The following TP63 variants were observed in gnomAD, a reference collection of about 807,000 sequenced individuals.
The protein encoded by TP63 is tumor protein p63, also known as tumor protein 63.
In TP63, 17 loss-of-function variants were observed where a neutral mutation model predicts 82.8. The observed-to-expected ratio is 0.21, with a 90% CI of 0.14 to 0.31. The LOEUF is 0.31. Ranked by LOEUF, TP63 falls within the 10% of genes least tolerant of loss-of-function variation. TP63 has a pLI of 1.00. For missense variants in TP63, 648 were observed against 895.3 expected, an observed-to-expected ratio of 0.72 and a Z score of 3.52; for synonymous variants, 330 against 321.7, an observed-to-expected ratio of 1.03 and a Z score of -0.28.
intron 3 of TP63, chr3:189,789,568 G>A (rs1724912522): frequency 7.3e-6 from 7 of 956,738 alleles, no homozygotes; most frequent in Non-Finnish European, 9.6e-6. Context: ...AGGAGTCCAG[G>A]TGGAAGTTGA....
the TP63 span, among the ~76,000 whole-genome samples, chr3:189,611,577 C>T: frequency 2.6e-5 from 4 of 152,254 alleles, no homozygotes; most frequent in South Asian, 8.3e-4. Flanking sequence ...AACATGATGC[C>T]TCCAGCTTTG....
chr3:189,703,721 C>T (rs1045826413), intron 1 of TP63, among the ~76,000 whole-genome samples: 2 of 152,140 alleles, frequency 1.3e-5, no homozygotes, highest in East Asian at 3.9e-4. Context: ...TGTCAATATT[C>T]TATAGGAAAA....
chr3:189,735,264 G>A (rs535108265), intron 1 of TP63, among the ~76,000 whole-genome samples: 89 of 152,264 alleles, frequency 5.8e-4, no homozygotes, highest in African/African-American at 1.7e-3. Context: ...TGCACAGGTC[G>A]TTTTATCCAC....
In TP63 at chr3:189,703,948, A is replaced by G. The variant is rs116471999; in HGVS notation, c.63-33792A>G. On this transcript the variant is annotated intron_variant, in intron 1 of 13. Transcript: ENST00000264731. ...GTGAGATAGCCTCAAGTTCTCTAAT[A>G]AACATTCACTTACTAGAAAGGACTC... 3.7e-3 allele frequency among the ~76,000 whole-genome samples: 569 copies of G among 152,326 alleles called. 7 individuals are homozygous for G. Among genetic ancestry groups the G allele is most frequent in the African/African-American group, 0.012 (489 of 41,556 alleles).
At chr3:189,837,303 C>T (rs1713298861) in intron 4 of TP63, among the ~76,000 whole-genome samples, 1 of 151,916 alleles carries the variant, frequency 6.6e-6, no homozygotes. Flanking sequence ...TAATAATCCT[C>T]ATCTATCTAC....
intron 4 of TP63, among the ~76,000 whole-genome samples, chr3:189,852,048 T>C (rs530566070): frequency 1.3e-5 from 2 of 152,294 alleles, no homozygotes; most frequent in South Asian, 4.1e-4. Flanking sequence ...ATTCCTCTTT[T>C]CTTAGAAGAA....
chr3:189,736,957 A>G (rs1241449797), intron 1 of TP63, among the ~76,000 whole-genome samples: 2 of 152,138 alleles, frequency 1.3e-5, no homozygotes, highest in East Asian at 1.9e-4. Flanking sequence ...TGGAGAACGC[A>G]TCATCTGAGA....
chr3:189,633,474 A>G (rs1729585964), intron 1 of TP63, among the ~76,000 whole-genome samples: 1 of 152,076 alleles, frequency 6.6e-6, no homozygotes, highest in African/African-American at 2.4e-5. Flanking sequence ...ACGTGAGAAC[A>G]TACAGTATTT....
chr3:189,666,526 A>G (rs1714403423), intron 1 of TP63, among the ~76,000 whole-genome samples: 1 of 152,158 alleles, frequency 6.6e-6, no homozygotes, highest in Non-Finnish European at 1.5e-5. Flanking sequence ...AATTCAACCT[A>G]TAGTCTGAAA....
At chr3:189,597,526 A>G in the TP63 span, among the ~76,000 whole-genome samples, 1 of 152,226 alleles carries the variant, frequency 6.6e-6, no homozygotes, top group African/African-American at 2.4e-5. Context: ...AAATGACAAA[A>G]TGTGGTAAAA....
At chr3:189,880,158 A>G (rs1176833246) in intron 10 of TP63, 1 of 1,613,686 alleles carries the variant, frequency 6.2e-7, no homozygotes, top group Admixed American at 1.7e-5. Flanking sequence ...CAAGCCCCCA[A>G]ACCGATCAGT....
At chr3:189,870,300 A>G (rs1718258832) in intron 9 of TP63, among the ~76,000 whole-genome samples, 1 of 152,194 alleles carries the variant, frequency 6.6e-6, no homozygotes, top group South Asian at 2.1e-4. Context: ...CCAATCACAG[A>G]TCAAAAATAG....
At position 189,806,486 on chromosome 3, in the gene TP63, G is replaced by C. The variant is rs74427828; in HGVS notation, c.325-1786G>C. ...AAGAATATCTTTTCAATCCCCTTCCGAGGCTGTTGCCTCAGGCTTGGATAC... is the reference window on the plus strand; with the variant it reads ...AAGAATATCTTTTCAATCCCCTTCCCAGGCTGTTGCCTCAGGCTTGGATAC... On this transcript the variant is annotated intron_variant, in intron 3 of 13. Coordinates refer to ENST00000264731, the MANE Select transcript of TP63 (RefSeq NM_003722.5). Among the ~76,000 whole-genome samples the C allele has an allele frequency of 7.1e-3, 1,079 of 152,256 alleles. 8 individuals are homozygous for C. Among genetic ancestry groups the C allele is most frequent in the African/African-American group, 0.023 (976 of 41,554 alleles).
chr3:189,855,627 A>G (rs909832163), intron 4 of TP63, among the ~76,000 whole-genome samples: 1 of 152,076 alleles, frequency 6.6e-6, no homozygotes, highest in African/African-American at 2.4e-5. Flanking sequence ...TAAAATTAGA[A>G]CATGCTCATG....
chr3:189,685,253 G>A (rs1399288860), intron 1 of TP63, among the ~76,000 whole-genome samples: 3 of 152,162 alleles, frequency 2.0e-5, no homozygotes, highest in African/African-American at 7.2e-5. Flanking sequence ...GGCTTGGTTG[G>A]GTTAGAGTTG....
chr3:189,677,172 G>T, intron 1 of TP63, among the ~76,000 whole-genome samples: 1 of 150,892 alleles, frequency 6.6e-6, no homozygotes, highest in East Asian at 1.9e-4. Flanking sequence ...TCTTTTTATG[G>T]TTGAATAGTA....
At chr3:189,831,492 C>T (rs985855326) in intron 4 of TP63, among the ~76,000 whole-genome samples, 3 of 151,864 alleles carry the variant, frequency 2.0e-5, no homozygotes, top group African/African-American at 7.3e-5. Flanking sequence ...ACTCCAAGTT[C>T]AGTGTTGTTA....
rs761305330 is a variant in TP63 at position 189,894,494 on chromosome 3, G to A, written c.2035G>A (p.Gly679Arg). ...RNKQQRIKEE[G>R]E is the part of the protein sequence containing the mutation. Reference sequence around the variant, plus strand: ...TAAGCAACAGCGCATCAAAGAGGAGGGGGAGTGAGCCTCACCATGTGAGCT... The same window carrying A: ...TAAGCAACAGCGCATCAAAGAGGAGAGGGAGTGAGCCTCACCATGTGAGCT... The change falls in exon 14 of 14, where the codon GGG (glycine) becomes AGG (arginine). Residue 679 changes from glycine to arginine, a missense_variant. Coordinates refer to ENST00000264731, the MANE Select transcript of TP63 (RefSeq NM_003722.5). 2.5e-6 allele frequency: 4 copies of A among 1,613,110 alleles called. No homozygotes were observed. The African/African-American group carries it at 4.0e-5, about 16-fold the overall frequency.
chr3:189,692,188 T>C (rs548921504), intron 1 of TP63, among the ~76,000 whole-genome samples: 201 of 152,232 alleles, frequency 1.3e-3, no homozygotes, highest in Non-Finnish European at 1.3e-3. Flanking sequence ...CAGTATTCTC[T>C]TCTTAAAAGT....
Sources: gnomAD v4.1 joint callset for allele counts (sites outside exome capture counted in the v4.1 genomes callset) on GRCh38, gnomAD v4.1.1 for gene constraint, MANE v1.5 for transcripts, NCBI Gene and HGNC (gene_info 2026-07-23, HGNC 2026-07-21) for gene names.